Variants in UPK1B observed in about 807,000 individuals in gnomAD.
UPK1B encodes uroplakin 1B.
Under a neutral mutation model 34.2 loss-of-function variants are expected in UPK1B, and 28 were observed. The ratio of observed to expected loss-of-function variants is 0.82; its 90% CI spans 0.61 to 1.12. UPK1B has a LOEUF of 1.12. Among genes scored for constraint, UPK1B ranks in the 50% most tolerant of loss-of-function variants. The pLI, the probability that UPK1B is intolerant of heterozygous loss-of-function variation, is 0.00. For synonymous variants in UPK1B, 81 were observed against 110.4 expected (o/e 0.73, Z 1.67); for missense variants, 325 against 320.9 (o/e 1.01, Z -0.10).
chr3:119,201,079 G>T (rs2078088534), intron 7 of UPK1B, among the ~76,000 whole-genome samples: 2 of 151,986 alleles, frequency 1.3e-5, no homozygotes, highest in Non-Finnish European at 2.9e-5. Flanking sequence ...TAGCAGTGAA[G>T]ACACAATGAT....
chr3:119,176,064 T>G (rs140049250), intron 1 of UPK1B: 163 of 152,342 alleles, frequency 1.1e-3, no homozygotes, highest in African/African-American at 3.9e-3. Flanking sequence ...CACACCCATC[T>G]TTACTCTGAG....
At chr3:119,181,198 G>A (rs552207586) in intron 1 of UPK1B, among the ~76,000 whole-genome samples, 2 of 152,168 alleles carry the variant, frequency 1.3e-5, no homozygotes, top group South Asian at 2.1e-4. Flanking sequence ...TGTGAGCCCA[G>A]GATTCCTACT....
chr3:119,183,450 C>T lies in UPK1B; in HGVS notation c.-28-3264C>T, dbSNP rs144682201. Among the ~76,000 whole-genome samples the T allele has an allele frequency of 2.0e-3, 310 of 152,064 alleles. 2 individuals carry two copies. The highest frequency in any genetic ancestry group is 7.0e-3 in the African/African-American group (290 of 41,478). On this transcript the variant is annotated intron_variant, in intron 1 of 7. Transcript: ENST00000264234. ...CTAATTTTTGTATTTTTAGTAGAGA[C>T]GGGGTTTTGCCATGTTGGCCAGGCT...
chr3:119,196,425 T>C (rs2107436663), intron 6 of UPK1B, among the ~76,000 whole-genome samples: 1 of 152,340 alleles, frequency 6.6e-6, no homozygotes, highest in Middle Eastern at 3.4e-3. Flanking sequence ...ATTATTTGAT[T>C]CTACAGATTT....
rs1436724223 is a variant in UPK1B, at chr3:119,179,383, ATATATATATATATATT to A, written c.-29+5746_-29+5761del. ...TATATATATATATATATATATATATATATATATATATATATTAATTCTAAGGAATTAACCTATGTGA... is the reference window on the plus strand; with the variant it reads ...TATATATATATATATATATATATATAAATTCTAAGGAATTAACCTATGTGA... On this transcript the variant is annotated intron_variant, in intron 1 of 7. Transcript: ENST00000264234. Among the ~76,000 whole-genome samples the A allele has an allele frequency of 2.6e-3, 218 of 83,596 alleles. 7 individuals are homozygous for A. The highest frequency in any genetic ancestry group is 6.3e-3 in the East Asian group (18 of 2,868). The allele number at this position is 83,596 out of a possible 152,430, so 54.8% of individuals were successfully genotyped here.
At chr3:119,183,997 C>T (rs4455314) in intron 1 of UPK1B, among the ~76,000 whole-genome samples, 117,324 of 152,092 alleles carry the variant, frequency 0.77, 45,329 homozygotes, top group Middle Eastern at 0.83. Context: ...TGCCCACTGA[C>T]ATATCACCAC....
intron 5 of UPK1B, among the ~76,000 whole-genome samples, chr3:119,193,962 G>A (rs1007736775): frequency 6.6e-6 from 1 of 152,164 alleles, no homozygotes; most frequent in Non-Finnish European, 1.5e-5. Context: ...CTGAGGCTTA[G>A]ACAGTTTAAG....
At chr3:119,179,527 T>TTTTTTTTTTTTTGG (rs1553741698) in intron 1 of UPK1B, among the ~76,000 whole-genome samples, 1 of 131,568 alleles carries the variant, frequency 7.6e-6, no homozygotes, top group Non-Finnish European at 1.6e-5. Context: ...TTTTTTTTTT[T>TTTTTTTTTTTTTGG]GAGACGGAGT....
intron 7 of UPK1B, among the ~76,000 whole-genome samples, 153 bp downstream of exon 7, chr3:119,199,293 A>G (rs1221671141): frequency 6.6e-6 from 1 of 152,198 alleles, no homozygotes; most frequent in Non-Finnish European, 1.5e-5. Flanking sequence ...CGGAAGAAGG[A>G]CAGTGGGTTC....
At chr3:119,179,373 ATATATATATATATATATATATATAT>A (rs1459804321) in intron 1 of UPK1B, among the ~76,000 whole-genome samples, 1 of 75,766 alleles carries the variant, frequency 1.3e-5, no homozygotes, top group South Asian at 7.4e-4. Context: ...ATATATATAT[ATATATATATATATATATATATATAT>A]TAATTCTAAG....
chr3:119,187,040 C>T (rs1184795073), intron 2 of UPK1B, among the ~76,000 whole-genome samples: 2 of 152,188 alleles, frequency 1.3e-5, no homozygotes, highest in Non-Finnish European at 2.9e-5. Flanking sequence ...ATATAAGTAT[C>T]TAAAAGGAGT....
rs539091282 is a variant in UPK1B, at chr3:119,204,123, C to T, written c.*156C>T. The T allele has an allele frequency of 1.2e-3, 908 of 749,452 alleles. 15 individuals are homozygous for T. The South Asian group carries it at 0.015, about 12-fold the overall frequency. The allele number at this position is 749,452 out of a possible 1,614,324, so 46.4% of individuals were successfully genotyped here. A position where few individuals can be genotyped will look rare whatever the true frequency, so the allele number is the denominator to read the frequency against. On this transcript the variant is annotated 3_prime_UTR_variant, in exon 8 of 8. Transcript: ENST00000264234. ...TACGGACTTCCTTTAGGATCTCAGG[C>T]TTCTGCAGTTCTCATGACTCCTACT... is the stretch of plus-strand genomic sequence containing the variant.
intron 1 of UPK1B, among the ~76,000 whole-genome samples, chr3:119,181,060 G>A (rs1231968145): frequency 6.6e-6 from 1 of 152,020 alleles, no homozygotes; most frequent in Non-Finnish European, 1.5e-5. Flanking sequence ...TTACTTCTTG[G>A]GTAACTGTCT....
chr3:119,174,398 T>C (rs989804780), intron 1 of UPK1B, among the ~76,000 whole-genome samples: 1 of 152,228 alleles, frequency 6.6e-6, no homozygotes, highest in African/African-American at 2.4e-5. Flanking sequence ...TATTATTTTA[T>C]GTTTGCATTT....
At chr3:119,203,571 T>C (rs115720624) in intron 7 of UPK1B, among the ~76,000 whole-genome samples, 8,331 of 152,088 alleles carry the variant, frequency 0.055, 298 homozygotes, top group South Asian at 0.12. Context: ...ACACTGCATG[T>C]TCCCTCTCAT....
rs529526212 is a variant in UPK1B at position 119,177,604 on chromosome 3, C to T, written c.-29+3966C>T. On this transcript the variant is annotated intron_variant, in intron 1 of 7. Transcript: ENST00000264234. ...CTTTAATGTCTCTCAAATTACATAT[C>T]TTCTAAGACAAACAAAAACTACCAA... Among the ~76,000 whole-genome samples the T allele has an allele frequency of 3.3e-4, 50 of 152,318 alleles. 1 individual carries two copies. Among genetic ancestry groups the T allele is most frequent in the Non-Finnish European group, 5.9e-5 (4 of 68,030 alleles).
In UPK1B at chr3:119,199,106, T is replaced by A. The variant is rs763337235; in HGVS notation, c.698T>A (p.Val233Asp). The change falls in exon 7 of 8, where the codon GTT (valine) becomes GAT (aspartate). Residue 233 changes from valine to aspartate, a missense_variant. Coordinates refer to ENST00000264234, the MANE Select transcript of UPK1B (RefSeq NM_006952.4). ...CCAATGAACCGACACGCCTGGGGGG[T>A]TGCCTGGTTTGGATTTGCCATTCTC... The part of the protein sequence containing the change: ...SGPMNRHAWG[V>D]AWFGFAILCW... 6.2e-7 allele frequency: 1 copy of A among 1,614,034 alleles called. No homozygotes were observed. Among genetic ancestry groups the A allele is most frequent in the South Asian group, 1.1e-5 (1 of 91,084 alleles).
chr3:119,175,661 C>T (rs2077953694), intron 1 of UPK1B, among the ~76,000 whole-genome samples: 1 of 152,016 alleles, frequency 6.6e-6, no homozygotes, highest in African/African-American at 2.4e-5. Context: ...CAGCTAGTCC[C>T]TGATTTCCAA....
At chr3:119,183,271 G>GTTT (rs60512299) in intron 1 of UPK1B, among the ~76,000 whole-genome samples, 1 of 136,622 alleles carries the variant, frequency 7.3e-6, no homozygotes, top group African/African-American at 2.7e-5. Context: ...CTTTTTTTTT[G>GTTT]TTTTTTTTTT....
Sources: gnomAD v4.1 joint callset for allele counts (sites outside exome capture counted in the v4.1 genomes callset) on GRCh38, gnomAD v4.1.1 for gene constraint, MANE v1.5 for transcripts, NCBI Gene and HGNC (gene_info 2026-07-23, HGNC 2026-07-21) for gene names.